The following RBFOX1 variants were observed in gnomAD, a reference collection of about 807,000 sequenced individuals.
RBFOX1 encodes RNA binding fox-1 homolog 1, also known as RNA binding protein fox-1 homolog 1.
A neutral mutation model predicts 57.7 loss-of-function variants in RBFOX1; 8 were observed. The observed-to-expected ratio is 0.14, with a 90% confidence interval of 0.08 to 0.25. The LOEUF is 0.25. Among genes scored for constraint, RBFOX1 ranks in the 10% least tolerant of loss-of-function variants. RBFOX1 has a pLI of 1.00. For missense variants in RBFOX1, 611 were observed against 548.5 expected (o/e 1.11, Z -1.14); for synonymous variants, 326 against 222.4 (o/e 1.47, Z -4.15).
At chr16:5,567,779 A>C (rs939569216) in intron 2 of RBFOX1, among the ~76,000 whole-genome samples, 2 of 152,048 alleles carry the variant, frequency 1.3e-5, no homozygotes, top group African/African-American at 4.8e-5. Context: ...CGTCACCTAT[A>C]CTGATTAGGT....
intron 2 of RBFOX1, among the ~76,000 whole-genome samples, chr16:5,500,479 C>T (rs1363616936): frequency 6.6e-6 from 1 of 152,160 alleles, no homozygotes; most frequent in Non-Finnish European, 1.5e-5. Flanking sequence ...GCCTCCACCT[C>T]CCAAAGTGTT....
chr16:5,361,193 A>T (rs2087570009), intron 1 of RBFOX1, among the ~76,000 whole-genome samples: 1 of 152,194 alleles, frequency 6.6e-6, no homozygotes, highest in Admixed American at 6.5e-5. Flanking sequence ...GTCCAGTGCC[A>T]TTGGTCTTAA....
chr16:6,402,075 G>A (rs1018760130), intron 2 of RBFOX1, among the ~76,000 whole-genome samples: 18 of 150,284 alleles, frequency 1.2e-4, no homozygotes, highest in African/African-American at 4.2e-4. Context: ...AGGATGAGAT[G>A]ACTGGGGAGA....
At chr16:5,982,250 C>T (rs1428804057) in intron 4 of RBFOX1, among the ~76,000 whole-genome samples, 1 of 151,948 alleles carries the variant, frequency 6.6e-6, no homozygotes, top group African/African-American at 2.4e-5. Flanking sequence ...GATGTTCCCA[C>T]CATAGGGCCT....
chr16:5,661,621 A>G (rs1309177704), intron 3 of RBFOX1, among the ~76,000 whole-genome samples: 2 of 152,244 alleles, frequency 1.3e-5, no homozygotes, highest in Non-Finnish European at 2.9e-5. Context: ...CACATTGTGT[A>G]AATGAGTATG....
At chr16:5,857,414 G>T (rs1211434243) in intron 3 of RBFOX1, among the ~76,000 whole-genome samples, 1 of 152,122 alleles carries the variant, frequency 6.6e-6, no homozygotes, top group African/African-American at 2.4e-5. Context: ...ACACACTGTT[G>T]GGAAAATGGC....
chr16:5,248,333 C>A (rs2333759), intron 1 of RBFOX1, among the ~76,000 whole-genome samples: 151,727 of 152,394 alleles, frequency 1, 75,533 homozygotes, highest in Middle Eastern at 1. Context: ...TTCTCTGAGC[C>A]ACATGCAGCT....
chr16:6,148,081 C>T (rs1185235982), intron 1 of RBFOX1, among the ~76,000 whole-genome samples: 1 of 152,218 alleles, frequency 6.6e-6, no homozygotes. Context: ...GTAATCCCAG[C>T]ACTTCGGGAG....
intron 3 of RBFOX1, among the ~76,000 whole-genome samples, chr16:5,828,021 TC>T (rs572982967): frequency 1.6e-4 from 23 of 146,526 alleles, no homozygotes; most frequent in Non-Finnish European, 3.3e-4. Flanking sequence ...ATCTATCTAG[TC>T]TTCTGTCCAT....
intron 3 of RBFOX1, among the ~76,000 whole-genome samples, chr16:6,803,181 C>G (rs1446907725): frequency 1.3e-5 from 2 of 152,094 alleles, no homozygotes; most frequent in South Asian, 2.1e-4. Flanking sequence ...TTTAAGGACA[C>G]CAAATGATTG....
intron 4 of RBFOX1, among the ~76,000 whole-genome samples, chr16:7,258,239 A>T (rs1199269004): frequency 6.6e-6 from 1 of 152,172 alleles, no homozygotes; most frequent in Non-Finnish European, 1.5e-5. Flanking sequence ...TCTTAAATGC[A>T]TTTTCAGTTC....
At position 6,097,717 on chromosome 16, in the gene RBFOX1, C is replaced by G. The variant is rs1441531880; in HGVS notation, c.-127+77725C>G. On this transcript the variant is annotated intron_variant, in intron 1 of 15. Transcript: ENST00000550418. This position sits in a 1 kb window ranked among gnomAD's most constrained non-coding sequence, Gnocchi z 5.0. Reference sequence around the variant, plus strand: ...GTGAATCTGGAGCCCATAGACTCAACTCCTGTGCTATACTGCCTCTGTGTC... The same window carrying G: ...GTGAATCTGGAGCCCATAGACTCAAGTCCTGTGCTATACTGCCTCTGTGTC... 1.3e-5 allele frequency among the ~76,000 whole-genome samples: 2 copies of G among 151,840 alleles called. No individual in the cohort carries two copies. Among genetic ancestry groups the G allele is most frequent in the Non-Finnish European group, 2.9e-5 (2 of 67,998 alleles).
At chr16:6,775,088 G>T (rs2079081861) in intron 3 of RBFOX1, among the ~76,000 whole-genome samples, 1 of 151,560 alleles carries the variant, frequency 6.6e-6, no homozygotes, top group Non-Finnish European at 1.5e-5. Context: ...CACTTTGGGA[G>T]GCCAGGTCTG....
chr16:7,350,431 C>T lies in RBFOX1; in HGVS notation c.28-167716C>T, dbSNP rs113166761. On this transcript the variant is annotated intron_variant, in intron 4 of 15. Transcript: ENST00000550418. ...AGGTGTGCAATCAGCAGCCAGGTCC[C>T]ATTCCACCTTGTAGGGCATTGCAGG... Among the ~76,000 whole-genome samples the T allele has an allele frequency of 1.1e-3, 168 of 152,274 alleles. 2 individuals are homozygous for T. The highest frequency in any genetic ancestry group is 3.3e-3 in the South Asian group (16 of 4,830).
intron 4 of RBFOX1, among the ~76,000 whole-genome samples, chr16:7,353,072 G>A (rs1187652868): frequency 6.6e-6 from 1 of 152,018 alleles, no homozygotes; most frequent in Non-Finnish European, 1.5e-5. Flanking sequence ...TTACATAGTG[G>A]AACCCTAAAG....
At chr16:7,524,186 C>T (rs934160457) in intron 5 of RBFOX1, among the ~76,000 whole-genome samples, 1 of 152,156 alleles carries the variant, frequency 6.6e-6, no homozygotes, top group African/African-American at 2.4e-5. Flanking sequence ...GAGAAACCAG[C>T]CATCCATCTG....
At chr16:7,295,223 G>A (rs1603544141) in intron 4 of RBFOX1, among the ~76,000 whole-genome samples, 1 of 152,128 alleles carries the variant, frequency 6.6e-6, no homozygotes, top group Non-Finnish European at 1.5e-5. Flanking sequence ...GGGCAGAAAG[G>A]TGATGTGTAT....
At chr16:7,575,440 C>T (rs1050740708) in intron 5 of RBFOX1, among the ~76,000 whole-genome samples, 2 of 151,938 alleles carry the variant, frequency 1.3e-5, no homozygotes, top group Non-Finnish European at 2.9e-5. Flanking sequence ...ACCCTAGTAT[C>T]GTTTTAAGAA....
Position 6,432,757 on chromosome 16 carries a change from G to C in RBFOX1, c.-64+115700G>C, listed in dbSNP as rs76758850. Among the ~76,000 whole-genome samples, 1,031 of 152,118 alleles carry C rather than the reference G, an allele frequency of 6.8e-3. 36 individuals carry two copies. In the East Asian group the frequency reaches 0.13, roughly 19 times the overall value. ...CACTTTAGAAGGCAAAGGTGGGCAG[G>C]TCACGAGGTCGGGAGTTCGAGACCA... is the stretch of plus-strand genomic sequence containing the variant. On this transcript the variant is annotated intron_variant, in intron 2 of 15. Coordinates refer to ENST00000550418, the MANE Select transcript of RBFOX1 (RefSeq NM_018723.4).
Sources: gnomAD v4.1 joint callset for allele counts (sites outside exome capture counted in the v4.1 genomes callset) on GRCh38, gnomAD v4.1.1 for gene constraint, Gnocchi (gnomAD v3.1) non-coding constraint, MANE v1.5 for transcripts, NCBI Gene and HGNC (gene_info 2026-07-23, HGNC 2026-07-21) for gene names.